SUCLG2: variants seen among roughly 807,000 people sequenced by gnomAD.
SUCLG2 encodes the protein succinate--CoA ligase [GDP-forming] subunit beta, mitochondrial.
In SUCLG2, 42 loss-of-function variants were observed where a neutral mutation model predicts 47.9. The ratio of observed to expected loss-of-function variants is 0.88; its 90% CI spans 0.69 to 1.14. SUCLG2 has a LOEUF of 1.14. SUCLG2 is among the 50% of genes most tolerant of loss of function. The pLI is 0.00. For synonymous variants in SUCLG2, 195 were observed against 197.3 expected (o/e 0.99, Z 0.10); for missense variants, 571 against 525.9 (o/e 1.09, Z -0.84).
At chr3:67,620,151 T>G (rs576649108) in intron 1 of SUCLG2, among the ~76,000 whole-genome samples, 1 of 152,180 alleles carries the variant, frequency 6.6e-6, no homozygotes, top group Non-Finnish European at 1.5e-5. Flanking sequence ...ACATCCAAGA[T>G]CTAGCAGTAA....
chr3:67,384,489 C>G (rs1370447345), intron 10 of SUCLG2, among the ~76,000 whole-genome samples: 1 of 152,224 alleles, frequency 6.6e-6, no homozygotes, highest in Non-Finnish European at 1.5e-5. Context: ...GTAATCACAA[C>G]AGGGAATATA....
chr3:67,406,142 T>C (rs1702802258), intron 9 of SUCLG2, among the ~76,000 whole-genome samples: 2 of 152,282 alleles, frequency 1.3e-5, no homozygotes, highest in Non-Finnish European at 2.9e-5. Context: ...TAGAAACAAA[T>C]TGTGCCAAAT....
intron 10 of SUCLG2, among the ~76,000 whole-genome samples, chr3:67,377,615 C>G (rs1210734016): frequency 6.6e-6 from 1 of 152,150 alleles, no homozygotes; most frequent in Admixed American, 6.6e-5. Context: ...CTAGCTGGGG[C>G]AGCCCTGGAA....
At chr3:67,453,727 C>T (rs551017584) in intron 9 of SUCLG2, among the ~76,000 whole-genome samples, 7 of 152,310 alleles carry the variant, frequency 4.6e-5, no homozygotes, top group African/African-American at 1.4e-4. Context: ...GTGGGAAACT[C>T]TTGATATTCC....
At chr3:67,590,845 A>G (rs1328779271) in intron 2 of SUCLG2, among the ~76,000 whole-genome samples, 3 of 152,128 alleles carry the variant, frequency 2.0e-5, no homozygotes, top group African/African-American at 7.2e-5. Context: ...TCTCCATTCT[A>G]CAAAGTTTCA....
At chr3:67,402,575 A>G (rs1408999811) in intron 9 of SUCLG2, among the ~76,000 whole-genome samples, 2 of 152,230 alleles carry the variant, frequency 1.3e-5, no homozygotes, top group African/African-American at 4.8e-5. Flanking sequence ...GTACAGCAGT[A>G]GTTTCCAAAT....
intron 9 of SUCLG2, among the ~76,000 whole-genome samples, chr3:67,490,425 C>A (rs1255968043): frequency 3.3e-5 from 5 of 152,144 alleles, no homozygotes; most frequent in Admixed American, 6.6e-5. Flanking sequence ...AAGAGCTGGC[C>A]TCTTCTCAAA....
chr3:67,566,196 G>A (rs975179261), intron 2 of SUCLG2, among the ~76,000 whole-genome samples: 4 of 152,194 alleles, frequency 2.6e-5, no homozygotes, highest in African/African-American at 9.7e-5. Flanking sequence ...GAACATTCTA[G>A]TCTGTCTTTG....
chr3:67,515,914 C>G (rs964892149), intron 6 of SUCLG2, among the ~76,000 whole-genome samples: 5 of 152,162 alleles, frequency 3.3e-5, no homozygotes, highest in Non-Finnish European at 7.3e-5. Context: ...CAACTTCCAA[C>G]ATGTCTACAG....
chr3:67,472,227 A>C (rs1704622760), intron 9 of SUCLG2, among the ~76,000 whole-genome samples: 1 of 152,202 alleles, frequency 6.6e-6, no homozygotes, highest in African/African-American at 2.4e-5. Flanking sequence ...TACATGGAAA[A>C]GGTGATGTCT....
At chr3:67,394,730 C>G (rs1702481068) in intron 10 of SUCLG2, among the ~76,000 whole-genome samples, 1 of 150,936 alleles carries the variant, frequency 6.6e-6, no homozygotes, top group Non-Finnish European at 1.5e-5. Flanking sequence ...TCAGATTCAC[C>G]AAAGTTGAAA....
chr3:67,395,969 C>T (rs1212212021), intron 10 of SUCLG2, among the ~76,000 whole-genome samples: 2 of 152,026 alleles, frequency 1.3e-5, no homozygotes, highest in Admixed American at 6.6e-5. Context: ...TTTTTTGAAA[C>T]CAACGAGAAC....
At chr3:67,461,972 C>T (rs904389568) in intron 9 of SUCLG2, among the ~76,000 whole-genome samples, 1 of 152,058 alleles carries the variant, frequency 6.6e-6, no homozygotes, top group Non-Finnish European at 1.5e-5. Flanking sequence ...CCGGATGATA[C>T]AAGCTTCTGA....
At chr3:67,605,436 C>T (rs1428379313) in intron 2 of SUCLG2, among the ~76,000 whole-genome samples, 1 of 152,156 alleles carries the variant, frequency 6.6e-6, no homozygotes, top group Non-Finnish European at 1.5e-5. Context: ...TCTTCTAATG[C>T]TATAAATTTC....
intron 6 of SUCLG2, among the ~76,000 whole-genome samples, chr3:67,515,237 C>T (rs1328095132): frequency 6.6e-6 from 1 of 151,996 alleles, no homozygotes; most frequent in Non-Finnish European, 1.5e-5. Context: ...AAAATTTATC[C>T]TAAGTATAAA....
intron 4 of SUCLG2, among the ~76,000 whole-genome samples, chr3:67,525,026 C>T (rs929938059): frequency 1.3e-5 from 2 of 152,154 alleles, no homozygotes; most frequent in African/African-American, 4.8e-5. Context: ...AATCCAATGC[C>T]ACTTGTAATT....
At chr3:67,397,587 A>G (rs1464418596) in intron 10 of SUCLG2, among the ~76,000 whole-genome samples, 1 of 152,184 alleles carries the variant, frequency 6.6e-6, no homozygotes, top group Non-Finnish European at 1.5e-5. Context: ...GAAAATGGCC[A>G]TACTGCCCAA....
At chr3:67,621,543 G>T (rs569799205) in intron 1 of SUCLG2, among the ~76,000 whole-genome samples, 1 of 152,202 alleles carries the variant, frequency 6.6e-6, no homozygotes, top group African/African-American at 2.4e-5. Context: ...GTATTGAGAG[G>T]TGGGATCTAT....
chr3:67,412,228 A>G (rs1180254365), intron 9 of SUCLG2, among the ~76,000 whole-genome samples: 1 of 152,212 alleles, frequency 6.6e-6, no homozygotes, highest in Non-Finnish European at 1.5e-5. Flanking sequence ...CAGCCTGCTA[A>G]GTAAGGAATT....
Sources: gnomAD v4.1 joint callset for allele counts (sites outside exome capture counted in the v4.1 genomes callset) on GRCh38, gnomAD v4.1.1 for gene constraint, MANE v1.5 for transcripts, NCBI Gene and HGNC (gene_info 2026-07-23, HGNC 2026-07-21) for gene names.